Variants in ARMC5 observed in about 807,000 individuals in gnomAD.
The protein encoded by ARMC5 is armadillo repeat containing 5.
ARMC5 carries 28 observed loss-of-function variants against 60.5 expected under a neutral mutation model. The ratio of observed to expected loss-of-function variants is 0.46; its 90% CI spans 0.34 to 0.63. The LOEUF is 0.63. ARMC5 is among the 30% of genes least tolerant of loss of function. ARMC5 has a pLI of 0.01. For missense variants in ARMC5, 1,189 were observed against 1,304.9 expected, an observed-to-expected ratio of 0.91 and a Z score of 1.37; for synonymous variants, 680 against 607.3, an observed-to-expected ratio of 1.12 and a Z score of -1.76.
At chr16:31,458,516 C>T, upstream of ARMC5, 2 of 1,535,120 alleles carry the variant, frequency 1.3e-6, no homozygotes, top group Non-Finnish European at 1.7e-6. Context: ...GGCTTGTCAC[C>T]AGAGGGGCTG....
rs200054015 is a variant in ARMC5 at position 31,464,528 on chromosome 16, G to A, written c.1505G>A (p.Arg502His). 113 of 1,597,716 alleles carry A rather than the reference G, an allele frequency of 7.1e-5. No individual in the cohort carries two copies. Among genetic ancestry groups the A allele is most frequent in the Non-Finnish European group, 9.2e-5 (108 of 1,173,318 alleles). The change falls in exon 4 of 6, where the codon CGC becomes CAC. Residue 502 changes from arginine (R) to histidine (H), a missense_variant. By Grantham distance (29) the Arg-to-His change is conservative (BLOSUM62 0). Around this residue, in one of 2 missense-constraint regions of ARMC5, gnomAD observed 862 missense variants for 1,071.2 expected, o/e 0.80. Coordinates refer to ENST00000268314, the MANE Select transcript of ARMC5 (RefSeq NM_001105247.2). The surrounding 1 kb of genome is among the most constrained non-coding windows in gnomAD (Gnocchi z 7.6). ...APTPTSLRAPRTQRTPGRSPA... is the reference protein window; with the variant it reads ...APTPTSLRAPHTQRTPGRSPA... ...ACCCCGACCTCGCTGCGGGCACCAC[G>A]CACCCAACGCACTCCGGGCCGCAGC...
rs769890229 is a variant in ARMC5, at chr16:31,459,806, G to C, written c.282G>C (p.Ser94=). 411 of 1,538,984 alleles carry C rather than the reference G, an allele frequency of 2.7e-4. 1 individual carries two copies. Among genetic ancestry groups the C allele is most frequent in the Admixed American group, 3.1e-4 (16 of 50,938 alleles). ...PSQAGPGSAP[S]SAASGASSPA... is the part of the protein sequence containing the mutation. Reference sequence around the variant, plus strand: ...AGGCAGGCCCCGGCTCCGCCCCCTCGTCGGCCGCGTCGGGAGCTTCTAGCC... The same window carrying C: ...AGGCAGGCCCCGGCTCCGCCCCCTCCTCGGCCGCGTCGGGAGCTTCTAGCC... The change falls in exon 1 of 6, where the codon TCG becomes TCC. Residue 94 remains serine (S), a synonymous_variant. Coordinates refer to ENST00000268314, the MANE Select transcript of ARMC5 (RefSeq NM_001105247.2).
chr16:31,460,033 A>C, intron 1 of ARMC5, 34 bp downstream of exon 1: 1 of 1,591,378 alleles, frequency 6.3e-7, no homozygotes, highest in Non-Finnish European at 8.5e-7. Flanking sequence ...TAGAAAGATT[A>C]GGTTTGCAAC....
In ARMC5 at chr16:31,466,139, G is replaced by T. The variant is rs11863886; in HGVS notation, c.2058G>T (p.Ala686=). The T allele has an allele frequency of 9.3e-6, 15 of 1,605,394 alleles. No homozygotes were observed. The Admixed American group carries it at 2.5e-4, about 27-fold the overall frequency. ...AGGGTGGTCTCCGGCTCCTCCTTGC[G>T]GCGCTGACCCGGCCGGCCCCACACC... ...LEQGGLRLLL[A]ALTRPAPHPL... The change falls in exon 6 of 6, where the codon GCG becomes GCT. Residue 686 remains alanine (A), a synonymous_variant. Transcript: ENST00000268314. This position sits in a 1 kb window ranked among gnomAD's most constrained non-coding sequence, Gnocchi z 8.0.
chr16:31,458,885 G>A, upstream of ARMC5: 6 of 1,535,676 alleles, frequency 3.9e-6, no homozygotes, highest in Non-Finnish European at 5.2e-6. Context: ...AGCACGTCCA[G>A]AGCGGAGGAC....
chr16:31,458,576 T>G, upstream of ARMC5: 10 of 1,488,606 alleles, frequency 6.7e-6, no homozygotes, highest in Non-Finnish European at 9.0e-6. Flanking sequence ...AGTCCACATT[T>G]CCGGCACTCG....
chr16:31,466,404 C>CG lies in ARMC5; in HGVS notation c.2326dup (p.Ala776GlyfsTer96). On this transcript the variant is annotated frameshift_variant, in exon 6 of 6. Coordinates refer to ENST00000268314, the MANE Select transcript of ARMC5 (RefSeq NM_001105247.2). LOFTEE classifies it high-confidence loss of function. The surrounding 1 kb of genome is among the most constrained non-coding windows in gnomAD (Gnocchi z 8.0). ...CTCAGCCACCGCCTCCCCTTTCTTC[C>CG]GGGCCCTGCTGTCAGGCAGCTTTGC... is the stretch of plus-strand genomic sequence containing the variant. 6.2e-7 allele frequency: 1 copy of CG among 1,612,290 alleles called. No homozygotes were observed. Among genetic ancestry groups the CG allele is most frequent in the Non-Finnish European group, 8.5e-7 (1 of 1,179,838 alleles).
chr16:31,464,981 A>G lies in ARMC5; in HGVS notation c.1864+94A>G. ...GGCCCAGAACCTCACCTTCCCACTC[A>G]CCTGTCCTCCCCAGCCCGTCCTCCA... On this transcript the variant is annotated intron_variant, in intron 4 of 5. Coordinates refer to ENST00000268314, the MANE Select transcript of ARMC5 (RefSeq NM_001105247.2). The surrounding 1 kb of genome is among the most constrained non-coding windows in gnomAD (Gnocchi z 7.6). 6.2e-7 allele frequency: 1 copy of G among 1,608,698 alleles called. No individual in the cohort carries two copies. Among genetic ancestry groups the G allele is most frequent in the Non-Finnish European group, 8.5e-7 (1 of 1,176,962 alleles).
chr16:31,460,239 T>G (rs2082293075), intron 1 of ARMC5: 1 of 511,032 alleles, frequency 2.0e-6, no homozygotes, highest in Non-Finnish European at 3.4e-6. Context: ...GTTGAGGACT[T>G]CTTTCGAAGC....
chr16:31,459,299 C>A (rs779278541), upstream of ARMC5: 4 of 1,534,828 alleles, frequency 2.6e-6, no homozygotes, highest in Non-Finnish European at 3.5e-6. Context: ...CCACATCTCC[C>A]TCATGCACCG....
At chr16:31,458,897 C>T (rs2082271100), upstream of ARMC5, 1 of 1,535,666 alleles carries the variant, frequency 6.5e-7, no homozygotes. Context: ...GCGGAGGACA[C>T]TCGGGACACC....
chr16:31,464,244 C>A lies in ARMC5; in HGVS notation c.1371-150C>A. 1.5e-6 allele frequency: 1 copy of A among 661,622 alleles called. No individual in the cohort carries two copies. Among genetic ancestry groups the A allele is most frequent in the Non-Finnish European group, 2.3e-6 (1 of 436,146 alleles). 41.0% of individuals were successfully genotyped at this position (661,622 alleles called of 1,614,324 possible). On this transcript the variant is annotated intron_variant, in intron 3 of 5. Transcript: ENST00000268314. This position sits in a 1 kb window ranked among gnomAD's most constrained non-coding sequence, Gnocchi z 7.6. ...GTTCAAGGCTGCAGTGAGCTAGGAT[C>A]CCACAACTGCATTCCAGCCTGGGCT...
upstream of ARMC5, chr16:31,459,459 G>A: frequency 6.4e-7 from 1 of 1,553,862 alleles, no homozygotes; most frequent in Non-Finnish European, 8.7e-7. Context: ...CGATTTCCCT[G>A]TCTTCCAGTT....
rs1249806299 is a variant in ARMC5, at chr16:31,466,671, G to C, written c.2590G>C (p.Gly864Arg). The change falls in exon 6 of 6, where the codon GGT becomes CGT. Residue 864 changes from glycine to arginine, a missense_variant. Physicochemically the swap from Gly to Arg is moderately radical, Grantham distance 125. This residue lies in a region of ARMC5 where 862 missense variants were observed against 1,071.2 expected (regional missense o/e 0.80). Coordinates refer to ENST00000268314, the MANE Select transcript of ARMC5 (RefSeq NM_001105247.2). This position sits in a 1 kb window ranked among gnomAD's most constrained non-coding sequence, Gnocchi z 8.0. ...AVGRIHLGPQGGPESVGEVFR... is the reference protein window; with the variant it reads ...AVGRIHLGPQRGPESVGEVFR... ...GGGCCGCATCCACCTGGGACCCCAG[G>C]GTGGCCCGGAGTCAGTGGGTGAGGT... The C allele has an allele frequency of 1.3e-6, 2 of 1,578,562 alleles. No individual in the cohort carries two copies. Among genetic ancestry groups the C allele is most frequent in the South Asian group, 2.3e-5 (2 of 86,790 alleles).
rs750035803 is a variant in ARMC5, at chr16:31,459,608, T to G, written c.84T>G (p.Gly28=). 2 of 1,598,368 alleles carry G rather than the reference T, an allele frequency of 1.3e-6. No individual in the cohort carries two copies. The highest frequency in any genetic ancestry group is 1.7e-6 in the Non-Finnish European group (2 of 1,178,792). The change falls in exon 1 of 6, where the codon GGT becomes GGG. Residue 28 remains glycine, a synonymous_variant. Coordinates refer to ENST00000268314, the MANE Select transcript of ARMC5 (RefSeq NM_001105247.2). ...CGGCGGCGGCCGGGGAGGCTCTGGGTGGGGAAAAGGACCCAGCGACCAACG... is the reference window on the plus strand; with the variant it reads ...CGGCGGCGGCCGGGGAGGCTCTGGGGGGGGAAAAGGACCCAGCGACCAACG... The part of the protein sequence containing the change: ...QLAAAAGEAL[G]GEKDPATNET...
Position 31,459,715 on chromosome 16 carries a change from G to A in ARMC5, c.191G>A (p.Arg64His), listed in dbSNP as rs1478220037. The A allele has an allele frequency of 2.6e-6, 4 of 1,560,312 alleles. No homozygotes were observed. Among genetic ancestry groups the A allele is most frequent in the Admixed American group, 1.9e-5 (1 of 52,892 alleles). Residue 64 changes from arginine (R) to histidine (H), a missense_variant, in exon 1 of 6, where the codon CGC becomes CAC. Transcript: ENST00000268314. ...GGGGGAATCGAGCGCTTCCGGGCAC[G>A]CGGCGGGCTCCGCCCCCTACTCGCG... ...AAGGIERFRARGGLRPLLALL... is the reference protein window; with the variant it reads ...AAGGIERFRAHGGLRPLLALL...
At chr16:31,463,318 C>T (rs1325955477) in intron 3 of ARMC5, among the ~76,000 whole-genome samples, 3 of 152,112 alleles carry the variant, frequency 2.0e-5, no homozygotes, top group African/African-American at 4.8e-5. Flanking sequence ...AGCCTGGTCT[C>T]GAACTCCTGA....
chr16:31,460,437 C>T (rs541866147), intron 1 of ARMC5, among the ~76,000 whole-genome samples: 12 of 152,128 alleles, frequency 7.9e-5, no homozygotes, highest in African/African-American at 1.7e-4. Context: ...GTCACCTAAC[C>T]CCTCCGAGGC....
At position 31,466,724 on chromosome 16, in the gene ARMC5, T is replaced by A; in HGVS notation, c.2643T>A (p.Ala881=). 1 of 1,558,710 alleles carries A rather than the reference T, an allele frequency of 6.4e-7. No individual in the cohort carries two copies. Among genetic ancestry groups the A allele is most frequent in the East Asian group, 2.3e-5 (1 of 43,572 alleles). Residue 881 remains alanine, a synonymous_variant, in exon 6 of 6, where the codon GCT becomes GCA. Transcript: ENST00000268314. This position sits in a 1 kb window ranked among gnomAD's most constrained non-coding sequence, Gnocchi z 8.0. ...EVFRLGRPRL[A]AHCARWTLGS... ...TCCGCCTGGGCCGGCCCCGGCTGGC[T>A]GCCCACTGTGCCCGCTGGACACTGG... is the stretch of plus-strand genomic sequence containing the variant.
Sources: allele counts gnomAD v4.1 joint callset (sites outside exome capture counted in the v4.1 genomes callset), GRCh38; gene constraint gnomAD v4.1.1; regional missense constraint gnomAD v4.1.1; non-coding constraint Gnocchi (gnomAD v3.1); transcripts MANE v1.5; gene names NCBI Gene and HGNC (gene_info 2026-07-23, HGNC 2026-07-21).